HSPA14: variants seen among roughly 807,000 people sequenced by gnomAD.
HSPA14 encodes heat shock protein family A (Hsp70) member 14.
In HSPA14, 37 loss-of-function variants were observed where a neutral mutation model predicts 65.5. The observed-to-expected ratio is 0.56, with a 90% CI of 0.43 to 0.74. The LOEUF (loss-of-function observed/expected upper bound fraction) is 0.74. Ranked by LOEUF, HSPA14 falls within the 30% of genes least tolerant of loss-of-function variation. The pLI, the probability that HSPA14 is intolerant of heterozygous loss-of-function variation, is 0.00. For missense variants in HSPA14, 564 were observed against 607.6 expected (o/e 0.93, Z 0.75); for synonymous variants, 203 against 214.2 (o/e 0.95, Z 0.46).
intron 7 of HSPA14, among the ~76,000 whole-genome samples, chr10:14,851,965 G>A (rs1052068300): frequency 3.3e-5 from 5 of 152,116 alleles, no homozygotes; most frequent in African/African-American, 4.8e-5. Context: ...ATGGGGAATC[G>A]GGAATTAGCT....
chr10:14,839,002 C>A (rs111473585), intron 1 of HSPA14, among the ~76,000 whole-genome samples: 1 of 152,208 alleles, frequency 6.6e-6, no homozygotes, highest in African/African-American at 2.4e-5. Flanking sequence ...TGAGCTGGGC[C>A]CGAACGTCTA....
chr10:14,867,052 T>G (rs1832812507), intron 10 of HSPA14, 31 bp from the exon 11 acceptor site: 1 of 1,504,326 alleles, frequency 6.6e-7, no homozygotes, highest in Non-Finnish European at 9.2e-7. Context: ...CTTCTAAAAG[T>G]AAACAACTGA....
chr10:14,842,540 G>A lies in HSPA14; in HGVS notation c.221+2383G>A. 6.5e-7 allele frequency: 1 copy of A among 1,536,162 alleles called. No homozygotes were observed. The highest frequency in any genetic ancestry group is 8.7e-7 in the Non-Finnish European group (1 of 1,146,926). On this transcript the variant is annotated intron_variant, in intron 3 of 13. Coordinates refer to ENST00000378372, the MANE Select transcript of HSPA14 (RefSeq NM_016299.4). This position sits in a 1 kb window ranked among gnomAD's most constrained non-coding sequence, Gnocchi z 5.2. Reference sequence around the variant, plus strand: ...TGTTGCCCATGCCACAAGTATGGGTGAGCCACCACACTGTCCATTTTATGA... The same window carrying A: ...TGTTGCCCATGCCACAAGTATGGGTAAGCCACCACACTGTCCATTTTATGA...
intron 1 of HSPA14, among the ~76,000 whole-genome samples, chr10:14,838,934 G>A (rs978476449): frequency 6.6e-6 from 1 of 152,184 alleles, no homozygotes; most frequent in African/African-American, 2.4e-5. Flanking sequence ...TGGGAAAGTT[G>A]TGGCCGCGAG....
intron 10 of HSPA14, among the ~76,000 whole-genome samples, chr10:14,858,666 T>C (rs1168035820): frequency 6.6e-6 from 1 of 152,194 alleles, no homozygotes; most frequent in Admixed American, 6.5e-5. Flanking sequence ...GGCAGAGAGA[T>C]ATACCCCACC....
intron 3 of HSPA14, chr10:14,846,601 C>A: frequency 1.0e-6 from 1 of 969,348 alleles, no homozygotes; most frequent in Non-Finnish European, 1.2e-6. Flanking sequence ...AAAAGCTTTT[C>A]CAGCATTCCA....
chr10:14,863,691 CTCT>C (rs1025762756), intron 10 of HSPA14, among the ~76,000 whole-genome samples: 3 of 152,148 alleles, frequency 2.0e-5, no homozygotes, highest in African/African-American at 4.8e-5. Flanking sequence ...CCCCACCCTC[CTCT>C]TCTTTTTTGC....
intron 3 of HSPA14, chr10:14,846,668 C>T (rs1476207943): frequency 1.1e-6 from 1 of 941,998 alleles, no homozygotes; most frequent in Non-Finnish European, 1.3e-6. Flanking sequence ...ACCTACCTCA[C>T]AGGGGTGTTG....
chr10:14,857,433 A>G (rs901470472), intron 10 of HSPA14, among the ~76,000 whole-genome samples: 1 of 152,228 alleles, frequency 6.6e-6, no homozygotes, highest in Non-Finnish European at 1.5e-5. Flanking sequence ...GTCGACACTG[A>G]GTTATAGCAT....
intron 11 of HSPA14, among the ~76,000 whole-genome samples, chr10:14,867,532 ATAT>A (rs1184496453): frequency 6.6e-6 from 1 of 152,190 alleles, no homozygotes; most frequent in Admixed American, 6.5e-5. Context: ...GTTAGGTATA[ATAT>A]TAATCATAAG....
chr10:14,838,456 T>C lies in HSPA14; in HGVS notation c.54T>C (p.Tyr18=), dbSNP rs752734666. The C allele has an allele frequency of 6.2e-7, 1 of 1,604,526 alleles. No homozygotes were observed. The highest frequency in any genetic ancestry group is 1.3e-5 in the African/African-American group (1 of 74,974). Reference sequence around the variant, plus strand: ...GCACCTCAGCCTGTGTGGCCGTCTATAAGGTGAGGGGCTGCGGAGCTGGGC... The same window carrying C: ...GCACCTCAGCCTGTGTGGCCGTCTACAAGGTGAGGGGCTGCGGAGCTGGGC... ...LGCTSACVAV[Y]KDGRAGVVAN... Residue 18 remains tyrosine (Y), a synonymous_variant, in exon 1 of 14, where the codon TAT becomes TAC. Transcript: ENST00000378372.
intron 3 of HSPA14, among the ~76,000 whole-genome samples, chr10:14,841,752 A>G (rs1462348583): frequency 6.6e-6 from 1 of 152,218 alleles, no homozygotes; most frequent in Non-Finnish European, 1.5e-5. Flanking sequence ...GATGGGTAAC[A>G]CAGAGCCACA....
chr10:14,867,199 T>C lies in HSPA14; in HGVS notation c.1110T>C (p.Gly370=). Residue 370 remains glycine (G), a synonymous_variant, in exon 11 of 14, where the codon GGT becomes GGC. Transcript: ENST00000378372. ...CTCCTGATGAAGTGATCCCTATTGG[T>C]GCAGCTATAGAAGCAGGAATTCTTA... ...SIPPDEVIPI[G]AAIEAGILIG... 1 of 1,613,456 alleles carries C rather than the reference T, an allele frequency of 6.2e-7. No individual in the cohort carries two copies. The highest frequency in any genetic ancestry group is 8.5e-7 in the Non-Finnish European group (1 of 1,179,476).
chr10:14,841,293 T>A (rs1415556530), intron 3 of HSPA14: 3 of 152,208 alleles, frequency 2.0e-5, no homozygotes, highest in Non-Finnish European at 4.4e-5. Context: ...AAATATAAGT[T>A]GGTGTCAAAT....
intron 1 of HSPA14, 188 bp downstream of exon 1, chr10:14,838,647 G>C: frequency 1.7e-6 from 1 of 571,852 alleles, no homozygotes. Flanking sequence ...CCTCCGGAAA[G>C]TCGTCTACTC....
chr10:14,841,587 G>A (rs1431459594), intron 3 of HSPA14, among the ~76,000 whole-genome samples: 4 of 152,122 alleles, frequency 2.6e-5, no homozygotes, highest in African/African-American at 9.7e-5. Context: ...TCTCTCCCCT[G>A]GTAGCCAACA....
chr10:14,857,288 T>C (rs756245539), intron 10 of HSPA14, among the ~76,000 whole-genome samples: 3 of 152,190 alleles, frequency 2.0e-5, no homozygotes, highest in Non-Finnish European at 4.4e-5. Flanking sequence ...TTAGAGTAGA[T>C]TGCCAAAGTA....
chr10:14,851,358 G>A, intron 7 of HSPA14, 35 bp downstream of exon 7: 1 of 1,165,422 alleles, frequency 8.6e-7, no homozygotes, highest in Non-Finnish European at 1.3e-6. Flanking sequence ...GGTTTTTTGA[G>A]TGCAGAAAAC....
At chr10:14,870,201 GA>G (rs909973768) in intron 12 of HSPA14, among the ~76,000 whole-genome samples, 10 of 147,706 alleles carry the variant, frequency 6.8e-5, no homozygotes, top group Non-Finnish European at 1.2e-4. Flanking sequence ...TAAAATGCTT[GA>G]TTTTTTTTTT....
Sources: gnomAD v4.1 joint callset for allele counts (sites outside exome capture counted in the v4.1 genomes callset) on GRCh38, gnomAD v4.1.1 for gene constraint, Gnocchi (gnomAD v3.1) non-coding constraint, MANE v1.5 for transcripts, NCBI Gene and HGNC (gene_info 2026-07-23, HGNC 2026-07-21) for gene names.